The following CSMD3 variants were observed in gnomAD, a reference collection of about 807,000 sequenced individuals.
The protein encoded by CSMD3 is CUB and sushi domain-containing protein 3.
A neutral mutation model predicts 435.2 loss-of-function variants in CSMD3; 177 were observed. The ratio of observed to expected loss-of-function variants is 0.41; its 90% CI spans 0.36 to 0.46. The LOEUF is 0.46. CSMD3 is among the 20% of genes least tolerant of loss of function. The pLI, the probability that CSMD3 is intolerant of heterozygous loss-of-function variation, is 0.34. For missense variants in CSMD3, 4,265 were observed against 4,504.6 expected, an observed-to-expected ratio of 0.95 and a Z score of 1.52; for synonymous variants, 1,656 against 1,520.5, an observed-to-expected ratio of 1.09 and a Z score of -2.07.
At chr8:112,522,342 A>G (rs1190172206) in intron 27 of CSMD3, among the ~76,000 whole-genome samples, 2 of 151,930 alleles carry the variant, frequency 1.3e-5, no homozygotes, top group East Asian at 3.8e-4. Context: ...ATTCATTGTA[A>G]AAGAATGTAT....
intron 7 of CSMD3, among the ~76,000 whole-genome samples, chr8:112,972,760 T>C (rs1230703398): frequency 6.6e-6 from 1 of 151,896 alleles, no homozygotes; most frequent in Non-Finnish European, 1.5e-5. Flanking sequence ...TATCTATTGG[T>C]CAGAAACTGT....
chr8:113,204,126 G>T (rs567009036), intron 3 of CSMD3, among the ~76,000 whole-genome samples: 64 of 152,082 alleles, frequency 4.2e-4, no homozygotes, highest in African/African-American at 1.4e-3. Flanking sequence ...TTAGATTTAT[G>T]TTTTTCCCTG....
intron 62 of CSMD3, among the ~76,000 whole-genome samples, chr8:112,254,694 T>C (rs1354750725): frequency 3.9e-5 from 6 of 152,136 alleles, no homozygotes; most frequent in African/African-American, 1.4e-4. Flanking sequence ...GGTAGGGTAA[T>C]ATTTCTTTGA....
At chr8:112,792,919 G>C (rs1193527378) in intron 13 of CSMD3, among the ~76,000 whole-genome samples, 1 of 151,672 alleles carries the variant, frequency 6.6e-6, no homozygotes, top group African/African-American at 2.4e-5. Flanking sequence ...AACATTTATA[G>C]AAAGTTTACA....
At chr8:112,324,094 C>T (rs1463017823) in intron 45 of CSMD3, among the ~76,000 whole-genome samples, 2 of 151,808 alleles carry the variant, frequency 1.3e-5, no homozygotes, top group African/African-American at 4.8e-5. Flanking sequence ...TTTTTATGGC[C>T]TACAGATTGA....
intron 1 of CSMD3, among the ~76,000 whole-genome samples, chr8:113,333,926 G>A (rs1455916924): frequency 6.6e-6 from 1 of 151,854 alleles, no homozygotes; most frequent in Non-Finnish European, 1.5e-5. Context: ...CATTTATATA[G>A]ATCCCCATCT....
At chr8:112,845,074 G>T (rs758604336) in intron 11 of CSMD3, among the ~76,000 whole-genome samples, 1 of 151,902 alleles carries the variant, frequency 6.6e-6, no homozygotes, top group Non-Finnish European at 1.5e-5. Context: ...TGCATATTTT[G>T]CCTACTTTGT....
At chr8:112,494,669 G>A (rs544397453) in intron 30 of CSMD3, among the ~76,000 whole-genome samples, 2 of 151,784 alleles carry the variant, frequency 1.3e-5, no homozygotes, top group African/African-American at 2.4e-5. Flanking sequence ...GGCACTCACG[G>A]AAATTACAGT....
At chr8:113,357,806 C>G (rs541853596) in intron 1 of CSMD3, among the ~76,000 whole-genome samples, 4 of 152,208 alleles carry the variant, frequency 2.6e-5, no homozygotes, top group Admixed American at 1.3e-4. Flanking sequence ...GTGTATAGCA[C>G]TTCCCCCTTT....
In CSMD3 at chr8:112,751,765, CCT is replaced by C. The variant is rs541751822; in HGVS notation, c.1972+48395_1972+48396del. 2.6e-4 allele frequency among the ~76,000 whole-genome samples: 39 copies of C among 151,896 alleles called. No homozygotes were observed. In the East Asian group the frequency reaches 7.2e-3, roughly 28 times the overall value. On this transcript the variant is annotated intron_variant, in intron 13 of 70. Coordinates refer to ENST00000297405, the MANE Select transcript of CSMD3 (RefSeq NM_198123.2). ...AAATTTCCACAGACTCACATCATTC[CCT>C]TTCTCTACCTACCAACTTCTATTTA... is the stretch of plus-strand genomic sequence containing the variant.
rs1815400147 is a variant in CSMD3 at position 112,252,773 on chromosome 8, A to T, written c.10110+1480T>A. Among the ~76,000 whole-genome samples, 4 of 150,598 alleles carry T rather than the reference A, an allele frequency of 2.7e-5. No individual in the cohort carries two copies. The East Asian group carries it at 5.8e-4, about 22-fold the overall frequency. On this transcript the variant is annotated intron_variant, in intron 63 of 70. Transcript: ENST00000297405. ...CTCCCTAATGTAAGACACAAAATAC[A>T]TTTAATTTTAATAGATAGTTATATA...
At chr8:112,514,593 C>G (rs1823484079) in intron 28 of CSMD3, among the ~76,000 whole-genome samples, 1 of 152,098 alleles carries the variant, frequency 6.6e-6, no homozygotes. Context: ...TATTTACCTT[C>G]ATATTGAATG....
chr8:112,329,240 A>G (rs1250694805), intron 45 of CSMD3, among the ~76,000 whole-genome samples: 3 of 152,126 alleles, frequency 2.0e-5, no homozygotes, highest in South Asian at 2.1e-4. Flanking sequence ...TGTTAAACAT[A>G]AACAGTTTCC....
intron 5 of CSMD3, among the ~76,000 whole-genome samples, chr8:113,057,747 A>C (rs1296323349): frequency 6.6e-6 from 1 of 151,960 alleles, no homozygotes; most frequent in Non-Finnish European, 1.5e-5. Flanking sequence ...TTTTTTAAAA[A>C]TTCTATTCTA....
At chr8:112,759,250 A>G (rs960385916) in intron 13 of CSMD3, among the ~76,000 whole-genome samples, 1 of 152,112 alleles carries the variant, frequency 6.6e-6, no homozygotes, top group Non-Finnish European at 1.5e-5. Flanking sequence ...GGCTTTTCCA[A>G]TTATATTAAG....
At chr8:113,076,405 G>T (rs1284925294) in intron 5 of CSMD3, among the ~76,000 whole-genome samples, 2 of 151,820 alleles carry the variant, frequency 1.3e-5, no homozygotes, top group Non-Finnish European at 2.9e-5. Flanking sequence ...ATAAATTAAA[G>T]AAAGAGGGTA....
chr8:112,366,467 G>A (rs1021429410), intron 38 of CSMD3, among the ~76,000 whole-genome samples: 6 of 152,094 alleles, frequency 3.9e-5, no homozygotes, highest in African/African-American at 7.2e-5. Flanking sequence ...GCACAATCTC[G>A]GCGCACTGCA....
At chr8:112,368,394 G>C (rs1040098804) in intron 38 of CSMD3, among the ~76,000 whole-genome samples, 1 of 152,142 alleles carries the variant, frequency 6.6e-6, no homozygotes, top group African/African-American at 2.4e-5. Context: ...TGGGTTGGTA[G>C]CCTTGTCATC....
chr8:113,408,373 A>C (rs2094542572), intron 1 of CSMD3, among the ~76,000 whole-genome samples: 1 of 152,200 alleles, frequency 6.6e-6, no homozygotes, highest in African/African-American at 2.4e-5. Flanking sequence ...ATGAATTTGA[A>C]AATTGAAGAA....
Sources: allele counts gnomAD v4.1 joint callset (sites outside exome capture counted in the v4.1 genomes callset), GRCh38; gene constraint gnomAD v4.1.1; transcripts MANE v1.5; gene names NCBI Gene and HGNC (gene_info 2026-07-23, HGNC 2026-07-21).